Variants in GALNT13 observed in about 807,000 individuals in gnomAD.
The protein encoded by GALNT13 is polypeptide N-acetylgalactosaminyltransferase 13, also known as UDP-GalNAc:polypeptide N-acetylgalactosaminyltransferase 13.
Under a neutral mutation model 64.2 loss-of-function variants are expected in GALNT13, and 28 were observed. That is an observed-to-expected ratio of 0.44 (90% CI 0.32 to 0.60). The LOEUF is 0.60. GALNT13 is among the 20% of genes least tolerant of loss of function. GALNT13 has a pLI of 0.05. For missense variants in GALNT13, 577 were observed against 669.8 expected, an observed-to-expected ratio of 0.86 and a Z score of 1.53; for synonymous variants, 214 against 224.6, an observed-to-expected ratio of 0.95 and a Z score of 0.42.
the GALNT13 span, among the ~76,000 whole-genome samples, chr2:153,597,339 A>C: frequency 1.3e-5 from 2 of 152,132 alleles, no homozygotes; most frequent in Non-Finnish European, 2.9e-5. Flanking sequence ...ATATCTTTTA[A>C]AAGTATAAAT....
chr2:153,372,791 A>G, the GALNT13 span, among the ~76,000 whole-genome samples: 1 of 152,324 alleles, frequency 6.6e-6, no homozygotes, highest in African/African-American at 2.4e-5. Flanking sequence ...CCTGAGCATC[A>G]TATGGGTTTT....
chr2:153,312,659 T>G, the GALNT13 span, among the ~76,000 whole-genome samples: 2 of 152,192 alleles, frequency 1.3e-5, no homozygotes, highest in Non-Finnish European at 2.9e-5. Context: ...TGTCCTTACA[T>G]CAGCAAATCC....
the GALNT13 span, among the ~76,000 whole-genome samples, chr2:153,348,922 T>C: frequency 6.6e-6 from 1 of 152,186 alleles, no homozygotes; most frequent in African/African-American, 2.4e-5. Flanking sequence ...TCTGAGAGTC[T>C]GAGGTCCTTT....
intron 9 of GALNT13, among the ~76,000 whole-genome samples, chr2:154,321,558 G>A (rs545535903): frequency 6.6e-6 from 1 of 151,918 alleles, no homozygotes; most frequent in African/African-American, 2.4e-5. Flanking sequence ...GTAACCTTGG[G>A]CAAATTACCT....
At chr2:153,483,748 G>A in the GALNT13 span, among the ~76,000 whole-genome samples, 1 of 152,120 alleles carries the variant, frequency 6.6e-6, no homozygotes, top group Admixed American at 6.5e-5. Context: ...GTTACAACAT[G>A]TATGAACCTT....
the GALNT13 span, among the ~76,000 whole-genome samples, chr2:153,420,300 A>G: frequency 6.6e-6 from 1 of 152,144 alleles, no homozygotes; most frequent in Non-Finnish European, 1.5e-5. Flanking sequence ...TGTAAGGTTG[A>G]TAGATTAGAA....
the GALNT13 span, among the ~76,000 whole-genome samples, chr2:153,318,122 G>GTTTTT: frequency 2.1e-3 from 304 of 144,850 alleles, 5 homozygotes; most frequent in Admixed American, 0.014. Context: ...TATTAGGAGA[G>GTTTTT]TTTTTTTTTT....
chr2:154,140,261 C>A, intron 3 of GALNT13, 76 bp from the exon 4 acceptor site: 2 of 1,078,218 alleles, frequency 1.9e-6, no homozygotes, highest in Non-Finnish European at 2.7e-6. Flanking sequence ...AGAATCTAAT[C>A]AGACACACAA....
chr2:153,791,403 C>A, the GALNT13 span, among the ~76,000 whole-genome samples: 1 of 151,900 alleles, frequency 6.6e-6, no homozygotes, highest in Non-Finnish European at 1.5e-5. Context: ...TTTGCACCAA[C>A]CTAATATTAA....
intron 1 of GALNT13, among the ~76,000 whole-genome samples, chr2:153,891,546 A>G (rs1687553240): frequency 6.6e-6 from 1 of 151,994 alleles, no homozygotes; most frequent in African/African-American, 2.4e-5. Flanking sequence ...TTTGCAGGAG[A>G]CATAAGTCAC....
At chr2:153,621,109 A>G in the GALNT13 span, among the ~76,000 whole-genome samples, 1 of 151,978 alleles carries the variant, frequency 6.6e-6, no homozygotes, top group Admixed American at 6.6e-5. Flanking sequence ...TCCCAAACAA[A>G]CAGAGTCCGT....
intron 9 of GALNT13, among the ~76,000 whole-genome samples, chr2:154,322,828 C>G (rs1292536187): frequency 6.6e-6 from 1 of 152,000 alleles, no homozygotes; most frequent in African/African-American, 2.4e-5. Context: ...ACTAAAGTCC[C>G]TCAGTGGTAT....
At chr2:153,981,487 G>A (rs1231843371) in intron 3 of GALNT13, among the ~76,000 whole-genome samples, 3 of 151,964 alleles carry the variant, frequency 2.0e-5, no homozygotes, top group South Asian at 2.1e-4. Context: ...TTGTTCTTGC[G>A]ATAGTTTACT....
intron 3 of GALNT13, among the ~76,000 whole-genome samples, chr2:154,005,820 G>A (rs887731263): frequency 2.6e-5 from 4 of 152,018 alleles, no homozygotes; most frequent in East Asian, 1.9e-4. Context: ...GAGATGGTTC[G>A]ACACAGATTT....
intron 2 of GALNT13, among the ~76,000 whole-genome samples, chr2:153,924,214 C>T (rs570099571): frequency 1.4e-5 from 2 of 148,138 alleles, no homozygotes; most frequent in East Asian, 4.1e-4. Context: ...CCTCTTCCCA[C>T]CCCCACCCTC....
At chr2:153,757,081 G>A in the GALNT13 span, among the ~76,000 whole-genome samples, 1 of 152,116 alleles carries the variant, frequency 6.6e-6, no homozygotes, top group Non-Finnish European at 1.5e-5. Flanking sequence ...AATATGGAAT[G>A]ATTGAATTGA....
intron 1 of GALNT13, among the ~76,000 whole-genome samples, chr2:153,895,585 T>C (rs1687833238): frequency 6.6e-6 from 1 of 152,142 alleles, no homozygotes; most frequent in African/African-American, 2.4e-5. Flanking sequence ...TAGGGTCAAG[T>C]TGGGGCATCA....
the GALNT13 span, among the ~76,000 whole-genome samples, chr2:153,656,480 A>G: frequency 3.2e-3 from 489 of 152,184 alleles, 4 homozygotes; most frequent in Admixed American, 8.8e-3. Flanking sequence ...TATTTCAACT[A>G]TTTTATCTGT....
chr2:153,111,414 G>C, the GALNT13 span, among the ~76,000 whole-genome samples: 1 of 151,976 alleles, frequency 6.6e-6, no homozygotes, highest in African/African-American at 2.4e-5. Flanking sequence ...ATAAGGTATT[G>C]TAAGCCAGTT....
Sources: gnomAD v4.1 joint callset for allele counts (sites outside exome capture counted in the v4.1 genomes callset) on GRCh38, gnomAD v4.1.1 for gene constraint, MANE v1.5 for transcripts, NCBI Gene and HGNC (gene_info 2026-07-23, HGNC 2026-07-21) for gene names.